Variants in SPAG16 observed in about 807,000 individuals in gnomAD.
SPAG16 encodes the protein sperm-associated antigen 16 protein.
SPAG16 carries 86 observed loss-of-function variants against 80.4 expected under a neutral mutation model. The ratio of observed to expected loss-of-function variants is 1.07; its 90% CI spans 0.90 to 1.28. The LOEUF is 1.28. Ranked by LOEUF, SPAG16 falls within the 50% of genes most tolerant of loss-of-function variation. SPAG16 has a pLI of 0.00. For synonymous variants in SPAG16, 294 were observed against 265.9 expected (o/e 1.11, Z -1.03); for missense variants, 870 against 765.3 (o/e 1.14, Z -1.61).
At chr2:213,841,008 T>C (rs72939301) in intron 10 of SPAG16, among the ~76,000 whole-genome samples, 1 of 152,334 alleles carries the variant, frequency 6.6e-6, no homozygotes, top group East Asian at 1.9e-4. Context: ...TGAAATAGAC[T>C]TCATGGCTCT....
chr2:213,328,306 C>G (rs1269380945), intron 5 of SPAG16, among the ~76,000 whole-genome samples: 1 of 152,030 alleles, frequency 6.6e-6, no homozygotes, highest in Non-Finnish European at 1.5e-5. Context: ...AATGAATGTT[C>G]TAAGATCTTA....
At chr2:214,157,484 G>A (rs1045964806) in intron 15 of SPAG16, among the ~76,000 whole-genome samples, 9 of 151,966 alleles carry the variant, frequency 5.9e-5, no homozygotes, top group African/African-American at 2.2e-4. Flanking sequence ...CTGCCAGCAA[G>A]TATGGAAAAT....
chr2:214,056,842 T>C (rs975597814), intron 13 of SPAG16, among the ~76,000 whole-genome samples: 2 of 152,220 alleles, frequency 1.3e-5, no homozygotes, highest in Middle Eastern at 3.2e-3. Flanking sequence ...TGGAATGTTC[T>C]AAATCCTTTG....
intron 10 of SPAG16, among the ~76,000 whole-genome samples, chr2:213,685,454 G>A (rs890789563): frequency 3.3e-5 from 5 of 152,228 alleles, no homozygotes; most frequent in Non-Finnish European, 5.9e-5. Flanking sequence ...CACCTTCAGT[G>A]GGAGCATGAC....
chr2:213,476,635 C>G (rs966285853), intron 9 of SPAG16, among the ~76,000 whole-genome samples: 1 of 152,098 alleles, frequency 6.6e-6, no homozygotes, highest in Non-Finnish European at 1.5e-5. Context: ...CTGGATGAAC[C>G]CCCAGAAATG....
At chr2:214,193,526 G>C (rs777590358) in intron 15 of SPAG16, among the ~76,000 whole-genome samples, 14 of 150,942 alleles carry the variant, frequency 9.3e-5, no homozygotes, top group Non-Finnish European at 1.9e-4. Flanking sequence ...TTAAATAAAA[G>C]GTCCTGGCAG....
chr2:213,793,779 C>T (rs75155954), intron 10 of SPAG16, among the ~76,000 whole-genome samples: 4,208 of 152,232 alleles, frequency 0.028, 178 homozygotes, highest in African/African-American at 0.095. Flanking sequence ...TTTCTTCGCT[C>T]TGTGGTCCAG....
chr2:213,836,253 A>ATT (rs141599785), intron 10 of SPAG16, among the ~76,000 whole-genome samples: 2 of 147,802 alleles, frequency 1.4e-5, no homozygotes, highest in Admixed American at 6.8e-5. Context: ...ACTTCTTATA[A>ATT]TTTTTTTTCC....
chr2:214,333,296 G>T (rs1205812701), intron 15 of SPAG16, among the ~76,000 whole-genome samples: 1 of 152,200 alleles, frequency 6.6e-6, no homozygotes, highest in Admixed American at 6.5e-5. Context: ...CAATACTCTA[G>T]TTGGCTATCT....
chr2:214,095,564 G>A (rs760482500), intron 13 of SPAG16, among the ~76,000 whole-genome samples: 4 of 152,032 alleles, frequency 2.6e-5, no homozygotes, highest in Admixed American at 6.6e-5. Context: ...TTATAAAACT[G>A]AGAATATTTT....
chr2:213,480,314 A>G (rs1028370204), intron 9 of SPAG16, among the ~76,000 whole-genome samples: 4 of 152,230 alleles, frequency 2.6e-5, no homozygotes, highest in African/African-American at 9.6e-5. Flanking sequence ...ACAGATGCCA[A>G]TTGGTTGGGA....
intron 15 of SPAG16, among the ~76,000 whole-genome samples, chr2:214,393,953 T>C (rs1701223031): frequency 6.6e-6 from 1 of 152,188 alleles, no homozygotes; most frequent in Admixed American, 6.5e-5. Context: ...ATGTAATCAA[T>C]GTGAAGCAGA....
At chr2:213,592,023 T>C (rs1253221311) in intron 10 of SPAG16, among the ~76,000 whole-genome samples, 1 of 152,214 alleles carries the variant, frequency 6.6e-6, no homozygotes, top group Non-Finnish European at 1.5e-5. Flanking sequence ...GAGAGAATAT[T>C]GTCATCATGT....
intron 11 of SPAG16, among the ~76,000 whole-genome samples, chr2:213,925,233 T>G (rs1158726724): frequency 6.6e-6 from 1 of 152,204 alleles, no homozygotes; most frequent in Non-Finnish European, 1.5e-5. Context: ...TACCAAATTG[T>G]TTGCTCACTA....
intron 11 of SPAG16, among the ~76,000 whole-genome samples, chr2:213,892,810 T>G (rs1486377224): frequency 2.6e-5 from 4 of 151,508 alleles, no homozygotes; most frequent in Non-Finnish European, 4.4e-5. Context: ...TATAGAAGAG[T>G]ACCTCAGAAG....
chr2:214,278,941 A>T (rs1440690270), intron 15 of SPAG16, among the ~76,000 whole-genome samples: 1 of 152,188 alleles, frequency 6.6e-6, no homozygotes, highest in Non-Finnish European at 1.5e-5. Flanking sequence ...TTCAAACACC[A>T]CTTTTCCTGT....
chr2:214,182,325 C>T (rs986894302), intron 15 of SPAG16, among the ~76,000 whole-genome samples: 1 of 151,456 alleles, frequency 6.6e-6, no homozygotes, highest in African/African-American at 2.4e-5. Flanking sequence ...CTAAATATAC[C>T]AATGCCTCCA....
At chr2:213,763,356 A>G (rs1027106294) in intron 10 of SPAG16, among the ~76,000 whole-genome samples, 4 of 152,198 alleles carry the variant, frequency 2.6e-5, no homozygotes, top group African/African-American at 7.2e-5. Flanking sequence ...ATTATTTATA[A>G]TAGCTAAAAA....
At chr2:213,979,044 G>A (rs10166274) in intron 12 of SPAG16, among the ~76,000 whole-genome samples, 70,894 of 151,706 alleles carry the variant, frequency 0.47, 17,898 homozygotes, top group South Asian at 0.66. Context: ...CTTATAAGCT[G>A]TCTCAGAAAT....
Sources: allele counts gnomAD v4.1 joint callset (sites outside exome capture counted in the v4.1 genomes callset), GRCh38; gene constraint gnomAD v4.1.1; transcripts MANE v1.5; gene names NCBI Gene and HGNC (gene_info 2026-07-23, HGNC 2026-07-21).